MRPL44: variants seen among roughly 807,000 people sequenced by gnomAD.
MRPL44 encodes the protein mitochondrial ribosomal protein L44.
Under a neutral mutation model 25.9 loss-of-function variants are expected in MRPL44, and 21 were observed. The ratio of observed to expected loss-of-function variants is 0.81; its 90% CI spans 0.58 to 1.17. The LOEUF (loss-of-function observed/expected upper bound fraction) is 1.17. Ranked by LOEUF, MRPL44 falls within the 50% of genes most tolerant of loss-of-function variation. The pLI is 0.00. For missense variants in MRPL44, 410 were observed against 398.9 expected (o/e 1.03, Z -0.24); for synonymous variants, 169 against 151.0 (o/e 1.12, Z -0.87).
intron 3 of MRPL44, among the ~76,000 whole-genome samples, chr2:223,966,255 G>GT (rs1276218955): frequency 3.4e-4 from 50 of 148,688 alleles, no homozygotes; most frequent in African/African-American, 1.2e-3. Flanking sequence ...AAAAAAAAGT[G>GT]TGAGCCATCA....
Position 223,967,192 on chromosome 2 carries a change from T to A in MRPL44, c.*158T>A, listed in dbSNP as rs1017678144. The A allele has an allele frequency of 5.3e-6, 4 of 749,236 alleles. No individual in the cohort carries two copies. Among genetic ancestry groups the A allele is most frequent in the Non-Finnish European group, 8.1e-6 (4 of 495,828 alleles). The allele number at this position is 749,236 out of a possible 1,614,324, so 46.4% of individuals were successfully genotyped here. On this transcript the variant is annotated 3_prime_UTR_variant, in exon 4 of 4. Transcript: ENST00000258383. Reference sequence around the variant, plus strand: ...TAAATAAGTGTTAACCAAGTCACAGTGTTTTTGGTTTTGTTTTTCTGAAAT... The same window carrying A: ...TAAATAAGTGTTAACCAAGTCACAGAGTTTTTGGTTTTGTTTTTCTGAAAT...
chr2:223,964,987 G>A (rs1316560493), intron 3 of MRPL44, among the ~76,000 whole-genome samples: 2 of 151,930 alleles, frequency 1.3e-5, no homozygotes, highest in Non-Finnish European at 2.9e-5. Flanking sequence ...TATTACAGGC[G>A]ACATTTTAAA....
At chr2:223,964,087 T>C (rs1204852607) in intron 3 of MRPL44, among the ~76,000 whole-genome samples, 153 bp downstream of exon 3, 3 of 152,244 alleles carry the variant, frequency 2.0e-5, no homozygotes, top group Non-Finnish European at 4.4e-5. Flanking sequence ...CATGAAAAGA[T>C]TTTTTAAAAA....
chr2:223,952,356 G>A, the MRPL44 span, among the ~76,000 whole-genome samples: 8 of 152,254 alleles, frequency 5.3e-5, no homozygotes, highest in African/African-American at 1.9e-4. Context: ...GTGGGTTCTT[G>A]GTCCCATTCG....
intron 2 of MRPL44, 59 bp from the exon 3 acceptor site, chr2:223,963,697 G>T (rs1348746017): frequency 1.8e-6 from 2 of 1,082,042 alleles, no homozygotes; most frequent in Non-Finnish European, 1.2e-6. Context: ...AATGTATTTT[G>T]AATTGTCCTA....
chr2:223,960,147 C>T lies in MRPL44; in HGVS notation c.648+145C>T, dbSNP rs1689635613. On this transcript the variant is annotated intron_variant, in intron 2 of 3. Coordinates refer to ENST00000258383, the MANE Select transcript of MRPL44 (RefSeq NM_022915.5). ...GACCTAAAGGTTTTTTATGGAAGGGCTGTAATTATTCCAGTTGTCTCTTAT... is the reference window on the plus strand; with the variant it reads ...GACCTAAAGGTTTTTTATGGAAGGGTTGTAATTATTCCAGTTGTCTCTTAT... 3 of 621,248 alleles carry T rather than the reference C, an allele frequency of 4.8e-6. No individual in the cohort carries two copies. In the South Asian group the frequency reaches 6.4e-5, roughly 13 times the overall value. The allele number at this position is 621,248 out of a possible 1,614,324, so 38.5% of individuals were successfully genotyped here. A position where few individuals can be genotyped will look rare whatever the true frequency, so the allele number is the denominator to read the frequency against.
Position 223,959,957 on chromosome 2 carries a change from C to G in MRPL44, c.603C>G (p.Ala201=). The part of the protein sequence containing the change: ...LQQTFFAVIG[A]LLQSSGPERT... ...AGACTTTCTTTGCAGTTATTGGAGC[C>G]CTGTTACAGAGCAGTGGACCTGAGA... The change falls in exon 2 of 4, where the codon GCC becomes GCG. Residue 201 remains alanine, a synonymous_variant. Coordinates refer to ENST00000258383, the MANE Select transcript of MRPL44 (RefSeq NM_022915.5). 6.2e-7 allele frequency: 1 copy of G among 1,614,086 alleles called. No homozygotes were observed.
intron 3 of MRPL44, chr2:223,965,561 A>G (rs950284030): frequency 2.6e-5 from 4 of 152,238 alleles, no homozygotes; most frequent in South Asian, 2.1e-4. Context: ...GTAGTTAAAT[A>G]TATTTCAGAA....
At position 223,963,862 on chromosome 2, in the gene MRPL44, C is replaced by T. The variant is rs774157626; in HGVS notation, c.755C>T (p.Ala252Val). 6 of 1,613,736 alleles carry T rather than the reference C, an allele frequency of 3.7e-6. No individual in the cohort carries two copies. The highest frequency in any genetic ancestry group is 5.1e-6 in the Non-Finnish European group (6 of 1,179,876). ...VEELKKRNVS[A>V]PESRLTRQSG... ...GAACTGAAGAAAAGGAATGTTTCAG[C>T]TCCTGAATCAAGACTTACTAGGCAG... The change falls in exon 3 of 4, where the codon GCT (alanine) becomes GTT (valine). Residue 252 changes from alanine (A) to valine (V), a missense_variant. Transcript: ENST00000258383.
the MRPL44 span, among the ~76,000 whole-genome samples, chr2:223,952,447 C>T: frequency 6.6e-6 from 1 of 152,174 alleles, no homozygotes; most frequent in Non-Finnish European, 1.5e-5. Flanking sequence ...TTAGGCCTTT[C>T]AGTTCTAACA....
intron 2 of MRPL44, among the ~76,000 whole-genome samples, chr2:223,960,711 G>A (rs1435040150): frequency 6.6e-6 from 1 of 152,192 alleles, no homozygotes; most frequent in Non-Finnish European, 1.5e-5. Context: ...GAGAATATCT[G>A]TATTTACTGA....
chr2:223,959,520 C>G lies in MRPL44; in HGVS notation c.180-14C>G. On this transcript the variant is annotated splice_polypyrimidine_tract_variant and intron_variant, in intron 1 of 3. Coordinates refer to ENST00000258383, the MANE Select transcript of MRPL44 (RefSeq NM_022915.5). Reference sequence around the variant, plus strand: ...TGTTCTCTTTACCATCTCTTACTGTCTTTACATTTTCAGTTCAGAGAAGCC... The same window carrying G: ...TGTTCTCTTTACCATCTCTTACTGTGTTTACATTTTCAGTTCAGAGAAGCC... 19 of 1,587,492 alleles carry G rather than the reference C, an allele frequency of 1.2e-5. No individual in the cohort carries two copies. Among genetic ancestry groups the G allele is most frequent in the Non-Finnish European group, 1.6e-5 (19 of 1,166,526 alleles).
chr2:223,963,818 C>T lies in MRPL44; in HGVS notation c.711C>T (p.Pro237=). Residue 237 remains proline, a synonymous_variant, in exon 3 of 4, where the codon CCC becomes CCT. Coordinates refer to ENST00000258383, the MANE Select transcript of MRPL44 (RefSeq NM_022915.5). The part of the protein sequence containing the change: ...ELFEMWKIIN[P]MGLLVEELKK... Reference sequence around the variant, plus strand: ...TTGAGATGTGGAAGATAATAAATCCCATGGGGCTATTGGTAGAAGAACTGA... The same window carrying T: ...TTGAGATGTGGAAGATAATAAATCCTATGGGGCTATTGGTAGAAGAACTGA... 1.9e-6 allele frequency: 3 copies of T among 1,613,444 alleles called. No homozygotes were observed. Among genetic ancestry groups the T allele is most frequent in the African/African-American group, 2.7e-5 (2 of 75,004 alleles).
Position 223,959,558 on chromosome 2 carries a change from C to T in MRPL44, c.204C>T (p.Tyr68=). The change falls in exon 2 of 4, where the codon TAC becomes TAT. Residue 68 remains tyrosine, a synonymous_variant. Coordinates refer to ENST00000258383, the MANE Select transcript of MRPL44 (RefSeq NM_022915.5). ...GTTCAGAGAAGCCGAACTGGGATTA[C>T]CATGCAGAAATACAAGCTTTTGGAC... ...VRRSEKPNWD[Y]HAEIQAFGHR... 6.2e-7 allele frequency: 1 copy of T among 1,611,692 alleles called. No homozygotes were observed. The highest frequency in any genetic ancestry group is 8.5e-7 in the Non-Finnish European group (1 of 1,178,960).
intron 3 of MRPL44, 30 bp from the exon 4 acceptor site, chr2:223,966,833 A>G: frequency 3.8e-6 from 6 of 1,594,868 alleles, no homozygotes; most frequent in African/African-American, 1.4e-5. Flanking sequence ...ATTCCATGTA[A>G]TTTAAGACTA....
chr2:223,957,325 C>G, upstream of MRPL44: 1 of 968,120 alleles, frequency 1.0e-6, no homozygotes. Flanking sequence ...TGTCTCCGCC[C>G]CTGCCCTCTC....
chr2:223,966,712 A>G, intron 3 of MRPL44, 151 bp from the exon 4 acceptor site: 2 of 579,922 alleles, frequency 3.4e-6, no homozygotes, highest in Non-Finnish European at 5.6e-6. Context: ...AATCTAGTTA[A>G]AATCCAAAAG....
At chr2:223,957,309 C>T (rs952967656), upstream of MRPL44, 5 of 793,474 alleles carry the variant, frequency 6.3e-6, no homozygotes, top group African/African-American at 1.7e-5. Context: ...CACCCCGCCC[C>T]GGGGCTGTCT....
At chr2:223,954,242 C>G (rs1036637077), upstream of MRPL44, among the ~76,000 whole-genome samples, 2 of 152,184 alleles carry the variant, frequency 1.3e-5, no homozygotes, top group African/African-American at 2.4e-5. Context: ...GCAAAATCCA[C>G]GCTTCCATCT....
Sources: allele counts gnomAD v4.1 joint callset (sites outside exome capture counted in the v4.1 genomes callset), GRCh38; gene constraint gnomAD v4.1.1; transcripts MANE v1.5; gene names NCBI Gene and HGNC (gene_info 2026-07-23, HGNC 2026-07-21).